Variants in MYO7B observed in about 807,000 individuals in gnomAD.
MYO7B encodes the protein unconventional myosin-VIIb.
A neutral mutation model predicts 259.7 loss-of-function variants in MYO7B; 212 were observed. The ratio of observed to expected loss-of-function variants is 0.82; its 90% CI spans 0.73 to 0.91. MYO7B has a LOEUF of 0.91. Ranked by LOEUF, MYO7B falls within the 40% of genes least tolerant of loss-of-function variation. MYO7B has a pLI of 0.00. For synonymous variants in MYO7B, 1,197 were observed against 1,166.4 expected (o/e 1.03, Z -0.54); for missense variants, 2,732 against 2,813.5 (o/e 0.97, Z 0.66).
chr2:127,611,981 G>A lies in MYO7B; in HGVS notation c.3193-269G>A, dbSNP rs1035909384. 6.6e-6 allele frequency among the ~76,000 whole-genome samples: 1 copy of A among 152,158 alleles called. No individual in the cohort carries two copies. Among genetic ancestry groups the A allele is most frequent in the Non-Finnish European group, 1.5e-5 (1 of 68,026 alleles). ...TCAGAACAGCCCTGAGCCCCTCCCTGGGGGCTGGTGACCCACTGAGCAGCT... is the reference window on the plus strand; with the variant it reads ...TCAGAACAGCCCTGAGCCCCTCCCTAGGGGCTGGTGACCCACTGAGCAGCT... On this transcript the variant is annotated intron_variant, in intron 24 of 47. Transcript: ENST00000409816. The surrounding 1 kb of genome is among the most constrained non-coding windows in gnomAD (Gnocchi z 5.4).
chr2:127,573,954 C>G lies in MYO7B; in HGVS notation c.627C>G (p.Asn209Lys), dbSNP rs1207442908. ...ATGCCAAGACAATCCGCAACGACAA[C>G]TCAAGCCGCTTTGGGAAGTACATTG... ...FGNAKTIRND[N>K]SSRFGKYIDI... The change falls in exon 7 of 48, where the codon AAC becomes AAG. Residue 209 changes from asparagine to lysine, a missense_variant. Physicochemically the swap from Asn to Lys is moderately conservative, Grantham distance 94 (BLOSUM62 0). Around this residue, in one of 3 missense-constraint regions of MYO7B, gnomAD observed 1,906 missense variants for 2,026.4 expected, o/e 0.94. Transcript: ENST00000409816. 1 of 1,613,962 alleles carries G rather than the reference C, an allele frequency of 6.2e-7. No individual in the cohort carries two copies. Among genetic ancestry groups the G allele is most frequent in the Non-Finnish European group, 8.5e-7 (1 of 1,179,908 alleles).
rs1260896953 is a variant in MYO7B at position 127,636,542 on chromosome 2, C to T, written c.6124-3C>T. ...CTATGACCGCCGTGTCCCTCCCTCC[C>T]AGCAAACCTCGGAGCCTTCCTACCC... On this transcript the variant is annotated splice_polypyrimidine_tract_variant and splice_region_variant and intron_variant, in intron 45 of 47. Coordinates refer to ENST00000409816, the MANE Select transcript of MYO7B (RefSeq NM_001393586.1). This position sits in a 1 kb window ranked among gnomAD's most constrained non-coding sequence, Gnocchi z 4.5. 1 of 1,609,212 alleles carries T rather than the reference C, an allele frequency of 6.2e-7. No homozygotes were observed. Among genetic ancestry groups the T allele is most frequent in the East Asian group, 2.2e-5 (1 of 44,580 alleles).
At chr2:127,568,279 C>T (rs1027551541) in intron 5 of MYO7B, among the ~76,000 whole-genome samples, 1 of 152,208 alleles carries the variant, frequency 6.6e-6, no homozygotes, top group African/African-American at 2.4e-5. Flanking sequence ...TGTGGCTCTA[C>T]CTGGAGGTTG....
chr2:127,619,371 G>C (rs866479963), intron 26 of MYO7B, among the ~76,000 whole-genome samples: 2 of 134,148 alleles, frequency 1.5e-5, no homozygotes, highest in Non-Finnish European at 3.2e-5. Context: ...CGCCAGCTGA[G>C]TAGTGGGTGC....
intron 20 of MYO7B, 26 bp downstream of exon 20, chr2:127,605,954 G>GT: frequency 6.9e-7 from 1 of 1,450,410 alleles, no homozygotes; most frequent in Non-Finnish European, 9.1e-7. Context: ...GGGGCGGCTG[G>GT]GCCGCGGGAC....
Position 127,629,669 on chromosome 2 carries a change from A to G in MYO7B, c.4649A>G (p.Lys1550Arg), listed in dbSNP as rs1389855308. Residue 1550 changes from lysine (K) to arginine (R), a missense_variant, in exon 35 of 48, where the codon AAG becomes AGG. Around this residue, in one of 3 missense-constraint regions of MYO7B, gnomAD observed 5 missense variants for 17.7 expected, o/e 0.28. Transcript: ENST00000409816. ...ATDDTTLLAF[K>R]KGDLLVLTKK... ...GATGACACCACCCTCCTGGCCTTCAAGAAGGGGGACCTGTTGGTCCTCACA... is the reference window on the plus strand; with the variant it reads ...GATGACACCACCCTCCTGGCCTTCAGGAAGGGGGACCTGTTGGTCCTCACA... 1 of 1,612,252 alleles carries G rather than the reference A, an allele frequency of 6.2e-7. No individual in the cohort carries two copies. The highest frequency in any genetic ancestry group is 1.3e-5 in the African/African-American group (1 of 74,906).
intron 5 of MYO7B, among the ~76,000 whole-genome samples, chr2:127,569,580 G>A (rs1678499199): frequency 6.6e-6 from 1 of 152,154 alleles, no homozygotes; most frequent in Non-Finnish European, 1.5e-5. Flanking sequence ...AAGCACAGAA[G>A]AAAAGACAAA....
At chr2:127,542,893 T>C (rs1423752656) in intron 1 of MYO7B, among the ~76,000 whole-genome samples, 2 of 152,224 alleles carry the variant, frequency 1.3e-5, no homozygotes, top group Non-Finnish European at 2.9e-5. Flanking sequence ...TGCTGTGCTT[T>C]AATGTGCACA....
At chr2:127,632,136 G>A (rs1264626993) in intron 38 of MYO7B, 110 bp from the exon 39 acceptor site, 5 of 1,300,750 alleles carry the variant, frequency 3.8e-6, no homozygotes, top group South Asian at 1.5e-5. Flanking sequence ...CCTCCCCCTC[G>A]GGCCCTCTAG....
Position 127,576,528 on chromosome 2 carries a change from T to C in MYO7B, c.736-67T>C. Reference sequence around the variant, plus strand: ...CCAGGGCTGGGCTGGGCAGAGGCAGTCTGAGGCCCTGAGGCCTCAGGGGAA... The same window carrying C: ...CCAGGGCTGGGCTGGGCAGAGGCAGCCTGAGGCCCTGAGGCCTCAGGGGAA... On this transcript the variant is annotated intron_variant, in intron 7 of 47. Transcript: ENST00000409816. The surrounding 1 kb of genome is among the most constrained non-coding windows in gnomAD (Gnocchi z 4.9). 2 of 1,003,558 alleles carry C rather than the reference T, an allele frequency of 2.0e-6. No individual in the cohort carries two copies. The highest frequency in any genetic ancestry group is 2.9e-6 in the Non-Finnish European group (2 of 682,682). The allele number at this position is 1,003,558 out of a possible 1,614,324, so 62.2% of individuals were successfully genotyped here. A position where few individuals can be genotyped will look rare whatever the true frequency, so the allele number is the denominator to read the frequency against.
At chr2:127,601,764 T>C (rs1679971665) in intron 19 of MYO7B, among the ~76,000 whole-genome samples, 1 of 152,226 alleles carries the variant, frequency 6.6e-6, no homozygotes, top group Admixed American at 6.5e-5. Context: ...GTGTATGTCA[T>C]TGGCATACAT....
chr2:127,608,217 C>G (rs979579507), intron 21 of MYO7B, among the ~76,000 whole-genome samples: 1 of 152,216 alleles, frequency 6.6e-6, no homozygotes, highest in African/African-American at 2.4e-5. Context: ...GTGAACAGGG[C>G]AAATGAGAGA....
intron 1 of MYO7B, among the ~76,000 whole-genome samples, chr2:127,555,044 G>A (rs1208748286): frequency 6.6e-6 from 1 of 151,830 alleles, no homozygotes; most frequent in Non-Finnish European, 1.5e-5. Context: ...TGCCTCCCAG[G>A]TTCAAGCAAT....
chr2:127,547,413 G>C (rs1175558354), intron 1 of MYO7B, among the ~76,000 whole-genome samples: 1 of 152,198 alleles, frequency 6.6e-6, no homozygotes, highest in Non-Finnish European at 1.5e-5. Context: ...GCTTGTGTGT[G>C]TGCTCCAAAT....
intron 1 of MYO7B, among the ~76,000 whole-genome samples, chr2:127,553,365 C>A (rs1249715504): frequency 6.6e-6 from 1 of 152,186 alleles, no homozygotes; most frequent in Non-Finnish European, 1.5e-5. Context: ...GGTCATTTCA[C>A]AACGTTGATT....
At chr2:127,620,491 C>T (rs768598804) in intron 27 of MYO7B, 25 bp downstream of exon 27, 28 of 395,420 alleles carry the variant, frequency 7.1e-5, no homozygotes, top group African/African-American at 1.5e-4. Context: ...GAAGGGAGGG[C>T]GGGCAGGGGG....
At chr2:127,567,738 C>T (rs1203394619) in intron 5 of MYO7B, among the ~76,000 whole-genome samples, 3 of 152,170 alleles carry the variant, frequency 2.0e-5, no homozygotes, top group African/African-American at 7.2e-5. Context: ...CCCAACTGTC[C>T]TAACATGGTG....
intron 18 of MYO7B, 64 bp downstream of exon 18, chr2:127,593,708 C>A (rs1490982645): frequency 2.0e-6 from 3 of 1,469,070 alleles, no homozygotes; most frequent in Non-Finnish European, 2.8e-6. Context: ...TCAGCTCTTG[C>A]ACCAGGCCCG....
intron 19 of MYO7B, among the ~76,000 whole-genome samples, 165 bp from the exon 20 acceptor site, chr2:127,605,679 G>A (rs1374586597): frequency 6.6e-6 from 1 of 152,326 alleles, no homozygotes; most frequent in Non-Finnish European, 1.5e-5. Flanking sequence ...TTCCTAACCT[G>A]CCTGTGCGTC....
Sources: allele counts gnomAD v4.1 joint callset (sites outside exome capture counted in the v4.1 genomes callset), GRCh38; gene constraint gnomAD v4.1.1; regional missense constraint gnomAD v4.1.1; non-coding constraint Gnocchi (gnomAD v3.1); transcripts MANE v1.5; gene names NCBI Gene and HGNC (gene_info 2026-07-23, HGNC 2026-07-21).